SGCZ: variants seen among roughly 807,000 people sequenced by gnomAD.
The protein encoded by SGCZ is zeta-sarcoglycan.
SGCZ carries 40 observed loss-of-function variants against 41.3 expected under a neutral mutation model. The ratio of observed to expected loss-of-function variants is 0.97; its 90% CI spans 0.75 to 1.26. The LOEUF is 1.26. Ranked by LOEUF, SGCZ falls within the 50% of genes most tolerant of loss-of-function variation. The pLI is 0.00. For missense variants in SGCZ, 552 were observed against 369.8 expected, an observed-to-expected ratio of 1.49 and a Z score of -4.04; for synonymous variants, 206 against 137.5, an observed-to-expected ratio of 1.50 and a Z score of -3.49.
chr8:14,248,881 G>A (rs41483346), intron 3 of SGCZ, among the ~76,000 whole-genome samples: 3,322 of 151,792 alleles, frequency 0.022, 59 homozygotes, highest in Non-Finnish European at 0.036. Flanking sequence ...AAACAGATGA[G>A]AAAAACCAGA....
At chr8:14,629,637 GGCAAA>G (rs1434327891) in intron 1 of SGCZ, among the ~76,000 whole-genome samples, 2 of 152,034 alleles carry the variant, frequency 1.3e-5, no homozygotes, top group Non-Finnish European at 2.9e-5. Context: ...AAAGACCTCT[GGCAAA>G]CACATCCATG....
chr8:15,124,488 C>A (rs1261958962), intron 1 of SGCZ, among the ~76,000 whole-genome samples: 1 of 152,142 alleles, frequency 6.6e-6, no homozygotes, highest in East Asian at 1.9e-4. Context: ...AAGGCCAGGG[C>A]AGCTATTCCA....
Position 14,458,779 on chromosome 8 carries a change from C to G in SGCZ, c.234+95953G>C, listed in dbSNP as rs534525560. ...AAAAGGGCCTAGTAGCAATGATACC[C>G]CAGAAGCAATGAGGACACCAAACAC... On this transcript the variant is annotated intron_variant, in intron 2 of 7. Coordinates refer to ENST00000382080, the MANE Select transcript of SGCZ (RefSeq NM_139167.4). Among the ~76,000 whole-genome samples the G allele has an allele frequency of 6.6e-5, 10 of 152,118 alleles. No homozygotes were observed. In the East Asian group the frequency reaches 1.9e-3, roughly 29 times the overall value.
intron 1 of SGCZ, among the ~76,000 whole-genome samples, chr8:15,138,142 T>G (rs1248039711): frequency 6.6e-6 from 1 of 152,220 alleles, no homozygotes; most frequent in African/African-American, 2.4e-5. Flanking sequence ...AACGAATGCC[T>G]TACTGGATTT....
At chr8:14,381,893 C>G (rs1585430606) in intron 2 of SGCZ, among the ~76,000 whole-genome samples, 1 of 152,126 alleles carries the variant, frequency 6.6e-6, no homozygotes, top group Non-Finnish European at 1.5e-5. Flanking sequence ...CTCAAAGATG[C>G]TTCTATTTTT....
chr8:15,064,315 G>A (rs1018355323), intron 1 of SGCZ, among the ~76,000 whole-genome samples: 4 of 152,028 alleles, frequency 2.6e-5, no homozygotes, highest in Admixed American at 1.3e-4. Context: ...CACTATGAAT[G>A]ACATCATCAT....
intron 1 of SGCZ, among the ~76,000 whole-genome samples, chr8:14,774,403 A>AG (rs1800339025): frequency 6.6e-6 from 1 of 152,190 alleles, no homozygotes; most frequent in Non-Finnish European, 1.5e-5. Flanking sequence ...GCAACAGGCT[A>AG]TCATCATGTA....
At chr8:15,206,418 G>A (rs2117147462) in intron 1 of SGCZ, among the ~76,000 whole-genome samples, 1 of 150,552 alleles carries the variant, frequency 6.6e-6, no homozygotes, top group Non-Finnish European at 1.5e-5. Context: ...GAAAAATAAA[G>A]ATAGGAAGGT....
At chr8:14,445,963 G>T (rs1359044924) in intron 2 of SGCZ, among the ~76,000 whole-genome samples, 2 of 152,186 alleles carry the variant, frequency 1.3e-5, no homozygotes, top group African/African-American at 2.4e-5. Flanking sequence ...TGGCTGGCCA[G>T]ATCCCACACA....
At chr8:14,204,222 A>T (rs1328126856) in intron 4 of SGCZ, among the ~76,000 whole-genome samples, 2 of 151,728 alleles carry the variant, frequency 1.3e-5, no homozygotes, top group Non-Finnish European at 2.9e-5. Context: ...TGTTTGTGTC[A>T]TATCTGTTGC....
chr8:15,157,518 C>T (rs535297390), intron 1 of SGCZ, among the ~76,000 whole-genome samples: 2 of 152,220 alleles, frequency 1.3e-5, no homozygotes, highest in South Asian at 4.1e-4. Context: ...ATTTGGAGTT[C>T]ATACAAATTC....
At chr8:15,045,482 A>AC (rs1466852392) in intron 1 of SGCZ, among the ~76,000 whole-genome samples, 2 of 152,090 alleles carry the variant, frequency 1.3e-5, no homozygotes, top group Non-Finnish European at 1.5e-5. Context: ...ATCAGTAATA[A>AC]CCAAGTTGCT....
At chr8:15,036,843 A>C in intron 1 of SGCZ, among the ~76,000 whole-genome samples, 1 of 152,174 alleles carries the variant, frequency 6.6e-6, no homozygotes, top group Non-Finnish European at 1.5e-5. Flanking sequence ...AAAGTCCTCA[A>C]CAAACCACTA....
chr8:15,180,965 T>TA (rs1800158120), intron 1 of SGCZ, among the ~76,000 whole-genome samples: 1 of 151,388 alleles, frequency 6.6e-6, no homozygotes, highest in Non-Finnish European at 1.5e-5. Context: ...CAACAAAGGA[T>TA]AAAAAATAGA....
intron 1 of SGCZ, among the ~76,000 whole-genome samples, chr8:14,939,823 C>G (rs143430677): frequency 6.6e-6 from 1 of 152,084 alleles, no homozygotes; most frequent in African/African-American, 2.4e-5. Context: ...CTGATTTCCT[C>G]TCCTCTCCAG....
At chr8:14,557,279 A>AT (rs141080567) in intron 1 of SGCZ, among the ~76,000 whole-genome samples, 36,613 of 147,556 alleles carry the variant, frequency 0.25, 4,732 homozygotes, top group South Asian at 0.39. Flanking sequence ...TTTGATGGGG[A>AT]TTTTTTTTTT....
chr8:15,235,351 A>G (rs1482715221), intron 1 of SGCZ, among the ~76,000 whole-genome samples: 1 of 152,232 alleles, frequency 6.6e-6, no homozygotes, highest in Admixed American at 6.5e-5. Context: ...ACATTTTCTA[A>G]TAAGGCTTGA....
At position 14,958,254 on chromosome 8, in the gene SGCZ, C is replaced by A. The variant is rs1446005846; in HGVS notation, c.39+279331G>T. Among the ~76,000 whole-genome samples the A allele has an allele frequency of 4.6e-5, 7 of 151,558 alleles. 1 individual carries two copies. Among genetic ancestry groups the A allele is most frequent in the Admixed American group, 4.0e-4 (6 of 15,186 alleles). On this transcript the variant is annotated intron_variant, in intron 1 of 7. Transcript: ENST00000382080. ...AAGTTTACCCTCCTAGGTTTTTACC[C>A]AAGAGAAAATATGTATCCATAAAAA...
intron 1 of SGCZ, among the ~76,000 whole-genome samples, chr8:14,591,505 G>A (rs957085179): frequency 2.5e-4 from 38 of 151,936 alleles, no homozygotes; most frequent in African/African-American, 8.5e-4. Context: ...TAGAAAAGAT[G>A]TTTTATCCTC....
Sources: gnomAD v4.1 joint callset for allele counts (sites outside exome capture counted in the v4.1 genomes callset) on GRCh38, gnomAD v4.1.1 for gene constraint, MANE v1.5 for transcripts, NCBI Gene and HGNC (gene_info 2026-07-23, HGNC 2026-07-21) for gene names.